The following ZNF248 variants were observed in gnomAD, a reference collection of about 807,000 sequenced individuals.
ZNF248 encodes KRAB protein domain.
In ZNF248, 20 loss-of-function variants were observed where a neutral mutation model predicts 44.3. That is an observed-to-expected ratio of 0.45 (90% confidence interval 0.32 to 0.66). The LOEUF (loss-of-function observed/expected upper bound fraction) is 0.66. Among genes scored for constraint, ZNF248 ranks in the 30% least tolerant of loss-of-function variants. The pLI is 0.04. For synonymous variants in ZNF248, 224 were observed against 229.0 expected, an observed-to-expected ratio of 0.98 and a Z score of 0.20; for missense variants, 654 against 677.0, an observed-to-expected ratio of 0.97 and a Z score of 0.38.
chr10:37,846,009 T>C (rs2059262181), intron 3 of ZNF248, among the ~76,000 whole-genome samples: 1 of 152,178 alleles, frequency 6.6e-6, no homozygotes, highest in African/African-American at 2.4e-5. Flanking sequence ...ATGTATAATC[T>C]TCATGTACTG....
downstream of ZNF248, among the ~76,000 whole-genome samples, chr10:37,827,476 T>C (rs979891937): frequency 2.0e-5 from 3 of 152,202 alleles, no homozygotes; most frequent in African/African-American, 7.2e-5. Flanking sequence ...ATCTGAGACC[T>C]TTCTCTTCAT....
chr10:37,787,312 C>A (rs921938000), intron 6 of ZNF248, among the ~76,000 whole-genome samples: 7 of 151,628 alleles, frequency 4.6e-5, no homozygotes, highest in East Asian at 1.9e-4. Flanking sequence ...AAGTAAAATA[C>A]ATAAATAAAT....
chr10:37,816,404 A>C (rs1186977128), intron 6 of ZNF248, among the ~76,000 whole-genome samples: 2 of 152,188 alleles, frequency 1.3e-5, no homozygotes, highest in Non-Finnish European at 2.9e-5. Flanking sequence ...ACACATACAA[A>C]GCTGCTGGCA....
At chr10:37,758,749 GTTA>G in the ZNF248 span, among the ~76,000 whole-genome samples, 1 of 151,940 alleles carries the variant, frequency 6.6e-6, no homozygotes, top group African/African-American at 2.4e-5. Flanking sequence ...TAATCATATT[GTTA>G]TTATCTTTTG....
intron 6 of ZNF248, among the ~76,000 whole-genome samples, chr10:37,780,155 GA>G (rs1251477545): frequency 6.6e-6 from 1 of 151,022 alleles, no homozygotes; most frequent in African/African-American, 2.4e-5. Context: ...CACAGAATTG[GA>G]AAAATCTACT....
intron 3 of ZNF248, among the ~76,000 whole-genome samples, chr10:37,845,848 A>G (rs2059235949): frequency 2.6e-5 from 4 of 152,214 alleles, no homozygotes; most frequent in Admixed American, 2.6e-4. Flanking sequence ...CTTCTAGGAT[A>G]ACCACAAAAG....
intron 6 of ZNF248, among the ~76,000 whole-genome samples, chr10:37,806,170 G>A (rs2050529046): frequency 6.6e-6 from 1 of 152,184 alleles, no homozygotes; most frequent in African/African-American, 2.4e-5. Context: ...CCATAAACAT[G>A]GGTGTGAAAA....
intron 3 of ZNF248, among the ~76,000 whole-genome samples, chr10:37,845,693 C>T (rs1217528922): frequency 1.3e-5 from 2 of 151,806 alleles, no homozygotes; most frequent in African/African-American, 4.8e-5. Flanking sequence ...ATGACCCAAA[C>T]TAGAACTATG....
At chr10:37,842,274 G>A (rs1256222584) in intron 3 of ZNF248, among the ~76,000 whole-genome samples, 5 of 152,166 alleles carry the variant, frequency 3.3e-5, no homozygotes, top group Non-Finnish European at 7.3e-5. Context: ...AAATGGAGAG[G>A]TAGGTGGCAC....
At chr10:37,801,333 G>A (rs147495805) in intron 6 of ZNF248, among the ~76,000 whole-genome samples, 10,208 of 151,718 alleles carry the variant, frequency 0.067, 449 homozygotes, top group Middle Eastern at 0.11. Context: ...CTGAGACTGC[G>A]CCACTGCACT....
At chr10:37,835,051 AAATTT>A (rs1247365473) in intron 5 of ZNF248, among the ~76,000 whole-genome samples, 4 of 152,116 alleles carry the variant, frequency 2.6e-5, no homozygotes, top group Non-Finnish European at 5.9e-5. Context: ...AAAGAAAGGG[AAATTT>A]AATTTATTAA....
At chr10:37,800,402 G>A (rs573688300) in intron 6 of ZNF248, among the ~76,000 whole-genome samples, 24 of 152,284 alleles carry the variant, frequency 1.6e-4, no homozygotes, top group South Asian at 6.2e-4. Flanking sequence ...GTTCACTCAG[G>A]ATAATGGCCT....
chr10:37,849,543 C>T (rs1446617260), intron 3 of ZNF248, among the ~76,000 whole-genome samples: 2 of 151,584 alleles, frequency 1.3e-5, no homozygotes, highest in Non-Finnish European at 1.5e-5. Flanking sequence ...AAAAATTAGA[C>T]GGGTGTGGTG....
the ZNF248 span, among the ~76,000 whole-genome samples, chr10:37,765,990 C>G: frequency 2.0e-5 from 3 of 152,248 alleles, no homozygotes; most frequent in Non-Finnish European, 4.4e-5. Context: ...GGTCCTACGC[C>G]CACGGAGTCT....
At chr10:37,786,537 A>T (rs1371547873) in intron 6 of ZNF248, among the ~76,000 whole-genome samples, 1 of 152,248 alleles carries the variant, frequency 6.6e-6, no homozygotes, top group East Asian at 1.9e-4. Context: ...TATAATGCAA[A>T]TAATTAAAAA....
intron 6 of ZNF248, among the ~76,000 whole-genome samples, chr10:37,804,096 T>G: frequency 2.2e-5 from 1 of 46,192 alleles, no homozygotes; most frequent in Admixed American, 2.5e-4. Context: ...TTCCTTTTTC[T>G]TTTTCTTTTT....
intron 3 of ZNF248, among the ~76,000 whole-genome samples, chr10:37,841,552 G>A (rs573469143): frequency 6.6e-6 from 1 of 151,282 alleles, no homozygotes; most frequent in South Asian, 2.1e-4. Flanking sequence ...AAACACAAAA[G>A]AACAGACAAA....
the ZNF248 span, among the ~76,000 whole-genome samples, chr10:37,766,380 C>A: frequency 6.6e-6 from 1 of 152,202 alleles, no homozygotes; most frequent in Admixed American, 6.5e-5. Flanking sequence ...ACTGACACCT[C>A]ACATGGCCGG....
intron 3 of ZNF248, among the ~76,000 whole-genome samples, chr10:37,848,773 TTA>T (rs1481700452): frequency 6.6e-6 from 1 of 152,218 alleles, no homozygotes; most frequent in East Asian, 1.9e-4. Context: ...TTCTTACCTA[TTA>T]TGTTTCCTTA....
Sources: allele counts gnomAD v4.1 joint callset (sites outside exome capture counted in the v4.1 genomes callset), GRCh38; gene constraint gnomAD v4.1.1; transcripts MANE v1.5; gene names NCBI Gene and HGNC (gene_info 2026-07-23, HGNC 2026-07-21).